The following CREBRF variants were observed in gnomAD, a reference collection of about 807,000 sequenced individuals.
The protein encoded by CREBRF is CREB3 regulatory factor, also known as UPF0474 protein C5orf41.
CREBRF carries 5 observed loss-of-function variants against 66.1 expected under a neutral mutation model. The ratio of observed to expected loss-of-function variants is 0.08; its 90% CI spans 0.04 to 0.16. The LOEUF is 0.16. Ranked by LOEUF, CREBRF falls within the 10% of genes least tolerant of loss-of-function variation. CREBRF has a pLI of 1.00. For synonymous variants in CREBRF, 229 were observed against 264.4 expected, an observed-to-expected ratio of 0.87 and a Z score of 1.30; for missense variants, 531 against 744.9, an observed-to-expected ratio of 0.71 and a Z score of 3.34.
chr5:173,106,526 AG>A (rs1758754839), intron 4 of CREBRF, among the ~76,000 whole-genome samples: 1 of 152,218 alleles, frequency 6.6e-6, no homozygotes, highest in Non-Finnish European at 1.5e-5. Flanking sequence ...TAATACCAGC[AG>A]TGCTACAAAA....
intron 1 of CREBRF, among the ~76,000 whole-genome samples, chr5:173,064,189 T>C (rs1252491657): frequency 6.6e-6 from 1 of 152,216 alleles, no homozygotes; most frequent in East Asian, 1.9e-4. Flanking sequence ...TGGCTGCTGA[T>C]GGAATTGCTG....
intron 8 of CREBRF, among the ~76,000 whole-genome samples, chr5:173,128,752 A>G (rs1759333086): frequency 6.6e-6 from 1 of 151,690 alleles, no homozygotes; most frequent in South Asian, 2.1e-4. Flanking sequence ...TTTATTTTCA[A>G]TCCTTCTGAA....
chr5:173,120,572 G>A (rs919248542), intron 7 of CREBRF, among the ~76,000 whole-genome samples: 2 of 150,196 alleles, frequency 1.3e-5, no homozygotes, highest in Non-Finnish European at 3.0e-5. Context: ...GTATAGATGG[G>A]GTTTCACTGT....
chr5:173,120,683 C>CTTTTT (rs70984942), intron 7 of CREBRF, among the ~76,000 whole-genome samples: 6 of 51,284 alleles, frequency 1.2e-4, no homozygotes, highest in African/African-American at 1.3e-4. Flanking sequence ...GCCTGAGCCT[C>CTTTTT]TTTTTTTTTT....
At chr5:173,066,646 C>T (rs181505680) in intron 1 of CREBRF, among the ~76,000 whole-genome samples, 15 of 152,158 alleles carry the variant, frequency 9.9e-5, no homozygotes, top group Admixed American at 5.2e-4. Flanking sequence ...CTCCTGCACT[C>T]GCCCTTGGCT....
intron 4 of CREBRF, 105 bp downstream of exon 4, chr5:173,091,506 T>C: frequency 6.6e-7 from 1 of 1,504,662 alleles, no homozygotes; most frequent in Non-Finnish European, 8.9e-7. Flanking sequence ...TATTTTAGTT[T>C]GGGAATTAAA....
chr5:173,131,177 A>G (rs1257066026), intron 8 of CREBRF, among the ~76,000 whole-genome samples: 1 of 152,106 alleles, frequency 6.6e-6, no homozygotes, highest in Non-Finnish European at 1.5e-5. Context: ...CTTTATTTCT[A>G]CCTCTATCTA....
In CREBRF at chr5:173,089,736, G is replaced by C. The variant is rs540259781; in HGVS notation, c.136-579G>C. ...ATTTTACTCTGCCTGCCCAAGTGTT[G>C]TTATAAGGTCTTGCAAAAGATCTTA... is the stretch of plus-strand genomic sequence containing the variant. On this transcript the variant is annotated intron_variant, in intron 3 of 8. Transcript: ENST00000296953. Among the ~76,000 whole-genome samples the C allele has an allele frequency of 2.0e-5, 3 of 151,510 alleles. No individual in the cohort carries two copies. The East Asian group carries it at 5.8e-4, about 29-fold the overall frequency.
intron 4 of CREBRF, among the ~76,000 whole-genome samples, chr5:173,096,638 T>C (rs1758485826): frequency 6.6e-6 from 1 of 151,946 alleles, no homozygotes; most frequent in Non-Finnish European, 1.5e-5. Flanking sequence ...CTTATCTTGT[T>C]CCTGGTCTTA....
chr5:173,136,704 AC>A lies in CREBRF; in HGVS notation c.*2961del, dbSNP rs1200121310. The A allele has an allele frequency of 2.0e-5, 3 of 152,482 alleles. No homozygotes were observed. Among genetic ancestry groups the A allele is most frequent in the Admixed American group, 6.6e-5 (1 of 15,264 alleles). 9.4% of individuals were successfully genotyped at this position (152,482 alleles called of 1,614,324 possible). Reference sequence around the variant, plus strand: ...TATATACGTTTAGTGTATCACACAAACCAATCTTATAAGGGTAATGTAAAAA... The same window carrying A: ...TATATACGTTTAGTGTATCACACAAACAATCTTATAAGGGTAATGTAAAAA... On this transcript the variant is annotated 3_prime_UTR_variant, in exon 9 of 9. Transcript: ENST00000296953.
intron 1 of CREBRF, among the ~76,000 whole-genome samples, chr5:173,064,555 G>C (rs1757375904): frequency 6.8e-6 from 1 of 147,932 alleles, no homozygotes; most frequent in Non-Finnish European, 1.5e-5. Flanking sequence ...ACCACACCTG[G>C]TTAATTTTTT....
intron 2 of CREBRF, 82 bp from the exon 3 acceptor site, chr5:173,086,419 G>A (rs1758150033): frequency 1.7e-6 from 2 of 1,192,358 alleles, no homozygotes. Context: ...TTACTTAGTG[G>A]GGGTGGGGTT....
chr5:173,061,649 C>A (rs1241125570), intron 1 of CREBRF, among the ~76,000 whole-genome samples: 1 of 152,126 alleles, frequency 6.6e-6, no homozygotes, highest in Non-Finnish European at 1.5e-5. Context: ...ACATGTAGTT[C>A]TTATATTCAA....
chr5:173,101,852 C>T (rs1035237052), intron 4 of CREBRF, among the ~76,000 whole-genome samples: 1 of 152,078 alleles, frequency 6.6e-6, no homozygotes, highest in Non-Finnish European at 1.5e-5. Context: ...CCCGGCCTGT[C>T]ATTATTACTT....
At chr5:173,084,177 C>A (rs1256641611) in intron 2 of CREBRF, among the ~76,000 whole-genome samples, 1 of 152,066 alleles carries the variant, frequency 6.6e-6, no homozygotes, top group Admixed American at 6.6e-5. Context: ...CTGAGAGCAC[C>A]AGATGGGGAA....
At position 173,079,171 on chromosome 5, in the gene CREBRF, T is replaced by C. The variant is rs779762823; in HGVS notation, c.-191-1414T>C. Reference sequence around the variant, plus strand: ...GAATTGAAAAGCATAGTTAACTGTTTCTAGGTGGGCACTTGACATTGTTTC... The same window carrying C: ...GAATTGAAAAGCATAGTTAACTGTTCCTAGGTGGGCACTTGACATTGTTTC... On this transcript the variant is annotated intron_variant, in intron 1 of 8. Coordinates refer to ENST00000296953, the MANE Select transcript of CREBRF (RefSeq NM_153607.3). Among the ~76,000 whole-genome samples, 116 of 152,096 alleles carry C rather than the reference T, an allele frequency of 7.6e-4. 2 individuals carry two copies. Among genetic ancestry groups the C allele is most frequent in the Non-Finnish European group, 7.6e-4 (52 of 67,984 alleles).
chr5:173,117,439 C>A (rs1430076496), intron 7 of CREBRF, among the ~76,000 whole-genome samples: 1 of 151,274 alleles, frequency 6.6e-6, no homozygotes, highest in Non-Finnish European at 1.5e-5. Flanking sequence ...GATATAAGTT[C>A]TTTGGCTTGG....
intron 1 of CREBRF, among the ~76,000 whole-genome samples, chr5:173,062,283 A>G (rs567111098): frequency 2.0e-5 from 3 of 152,260 alleles, no homozygotes; most frequent in East Asian, 3.9e-4. Flanking sequence ...TTTTATTTCT[A>G]TATATTCACT....
At chr5:173,106,782 T>C (rs1285337892) in intron 4 of CREBRF, among the ~76,000 whole-genome samples, 1 of 151,372 alleles carries the variant, frequency 6.6e-6, no homozygotes, top group Non-Finnish European at 1.5e-5. Context: ...GGAGTCTTGC[T>C]CTTGTTGTCC....
Sources: gnomAD v4.1 joint callset for allele counts (sites outside exome capture counted in the v4.1 genomes callset) on GRCh38, gnomAD v4.1.1 for gene constraint, MANE v1.5 for transcripts, NCBI Gene and HGNC (gene_info 2026-07-23, HGNC 2026-07-21) for gene names.